NCOA1: variants seen among roughly 807,000 people sequenced by gnomAD.
The protein encoded by NCOA1 is Hin-2 protein.
A neutral mutation model predicts 150.9 loss-of-function variants in NCOA1; 35 were observed. The ratio of observed to expected loss-of-function variants is 0.23; its 90% CI spans 0.18 to 0.31. NCOA1 has a LOEUF of 0.31. Among genes scored for constraint, NCOA1 ranks in the 10% least tolerant of loss-of-function variants. The probability of loss-of-function intolerance (pLI) is 1.00; values close to 1 mark genes in which losing one functional copy is unlikely to be tolerated. For missense variants in NCOA1, 1,491 were observed against 1,749.3 expected (o/e 0.85, Z 2.63); for synonymous variants, 590 against 630.0 (o/e 0.94, Z 0.95).
intron 2 of NCOA1, among the ~76,000 whole-genome samples, chr2:24,574,918 C>T (rs1282900733): frequency 6.6e-6 from 1 of 151,902 alleles, no homozygotes; most frequent in Non-Finnish European, 1.5e-5. Flanking sequence ...CATTTCTTTC[C>T]CCCCAATCAC....
At chr2:24,639,373 A>C (rs62142310) in intron 3 of NCOA1, among the ~76,000 whole-genome samples, 22,643 of 152,018 alleles carry the variant, frequency 0.15, 2,053 homozygotes, top group Non-Finnish European at 0.2. Flanking sequence ...CTATATTTGT[A>C]TGATCTGTGG....
intron 1 of NCOA1, among the ~76,000 whole-genome samples, chr2:24,510,709 G>A (rs1663901040): frequency 9.0e-6 from 1 of 110,864 alleles, no homozygotes; most frequent in South Asian, 2.6e-4. Context: ...CTTAGGGCTT[G>A]ACCTGGACAC....
intron 3 of NCOA1, among the ~76,000 whole-genome samples, chr2:24,586,496 C>G (rs1331632134): frequency 6.6e-6 from 1 of 152,108 alleles, no homozygotes; most frequent in Non-Finnish European, 1.5e-5. Context: ...AAGGGATTCT[C>G]CCAGCTCAGC....
chr2:24,731,533 A>T (rs1663010115), intron 17 of NCOA1, among the ~76,000 whole-genome samples: 1 of 152,214 alleles, frequency 6.6e-6, no homozygotes, highest in South Asian at 2.1e-4. Flanking sequence ...TTCTGTTTAA[A>T]AAAAGGAAGA....
intron 3 of NCOA1, among the ~76,000 whole-genome samples, chr2:24,588,946 C>A (rs1393648211): frequency 2.6e-5 from 4 of 152,144 alleles, no homozygotes; most frequent in Non-Finnish European, 4.4e-5. Flanking sequence ...ACCCTGGTCA[C>A]TGGATGGCCG....
chr2:24,682,256 TAAGGTGCCACAGTC>T lies in NCOA1; in HGVS notation c.355-692_355-679del, dbSNP rs887503251. Among the ~76,000 whole-genome samples, 10 of 152,340 alleles carry T rather than the reference TAAGGTGCCACAGTC, an allele frequency of 6.6e-5. 1 individual carries two copies. The highest frequency in any genetic ancestry group is 2.6e-4 in the Admixed American group (4 of 15,304). Reference sequence around the variant, plus strand: ...AATAAATGAAAAGATTACAAATAAGTAAGGTGCCACAGTCAACCTCTGCATTCTGGCTCTTCCTC... The same window carrying T: ...AATAAATGAAAAGATTACAAATAAGTAACCTCTGCATTCTGGCTCTTCCTC... On this transcript the variant is annotated intron_variant, in intron 7 of 22. Coordinates refer to ENST00000348332, the MANE Select transcript of NCOA1 (RefSeq NM_003743.5).
chr2:24,638,978 C>T (rs1301913633), intron 3 of NCOA1, among the ~76,000 whole-genome samples: 1 of 152,036 alleles, frequency 6.6e-6, no homozygotes, highest in Non-Finnish European at 1.5e-5. Flanking sequence ...TGATAATAGT[C>T]TATTCTTAAA....
At chr2:24,698,762 AATTTT>A (rs1359599296) in intron 11 of NCOA1, among the ~76,000 whole-genome samples, 2 of 152,126 alleles carry the variant, frequency 1.3e-5, no homozygotes, top group African/African-American at 4.8e-5. Flanking sequence ...TGTCATTCTT[AATTTT>A]AACATTTTTC....
chr2:24,574,484 T>A (rs543502564), intron 2 of NCOA1, among the ~76,000 whole-genome samples: 1 of 152,292 alleles, frequency 6.6e-6, no homozygotes, highest in South Asian at 2.1e-4. Flanking sequence ...ACTGCTTTTT[T>A]TTAGTTTCTA....
At chr2:24,573,297 C>G (rs528019844) in intron 2 of NCOA1, among the ~76,000 whole-genome samples, 2 of 152,224 alleles carry the variant, frequency 1.3e-5, no homozygotes, top group Admixed American at 1.3e-4. Flanking sequence ...TTTTCAGATA[C>G]TGTCCCAATA....
chr2:24,715,514 G>A (rs188811903), intron 14 of NCOA1, among the ~76,000 whole-genome samples: 16 of 151,988 alleles, frequency 1.1e-4, no homozygotes, highest in Admixed American at 8.5e-4. Flanking sequence ...AGAAGTGAGA[G>A]GAAAAGCTAC....
intron 3 of NCOA1, among the ~76,000 whole-genome samples, chr2:24,604,403 C>G (rs1668264573): frequency 6.6e-6 from 1 of 152,210 alleles, no homozygotes; most frequent in Non-Finnish European, 1.5e-5. Context: ...TGAATGGCAT[C>G]TTCTTCCAAT....
intron 21 of NCOA1, among the ~76,000 whole-genome samples, chr2:24,760,988 C>CCT (rs1332625823): frequency 6.6e-6 from 1 of 152,224 alleles, no homozygotes; most frequent in East Asian, 1.9e-4. Flanking sequence ...GCTGGGAGTA[C>CCT]AGGGGTGCGC....
chr2:24,603,159 G>A (rs1668205199), intron 3 of NCOA1, among the ~76,000 whole-genome samples: 1 of 148,534 alleles, frequency 6.7e-6, no homozygotes, highest in African/African-American at 2.4e-5. Flanking sequence ...AGTCTATCAA[G>A]TGTGCAATAG....
chr2:24,500,053 G>A (rs1238433559), intron 1 of NCOA1, among the ~76,000 whole-genome samples: 2 of 152,206 alleles, frequency 1.3e-5, no homozygotes, highest in African/African-American at 2.4e-5. Context: ...CTGATAAAGA[G>A]CCTTAACTCT....
intron 3 of NCOA1, among the ~76,000 whole-genome samples, chr2:24,611,061 G>A (rs1409398541): frequency 6.6e-6 from 1 of 152,124 alleles, no homozygotes; most frequent in Non-Finnish European, 1.5e-5. Context: ...CCCAGGTAGT[G>A]AGCATAGTAC....
At chr2:24,524,170 G>A (rs1664556890) in intron 1 of NCOA1, among the ~76,000 whole-genome samples, 2 of 152,178 alleles carry the variant, frequency 1.3e-5, no homozygotes, top group East Asian at 3.9e-4. Context: ...AATTTGAGTA[G>A]GCAAATACAT....
chr2:24,571,452 A>G (rs904267919), intron 2 of NCOA1, among the ~76,000 whole-genome samples: 4 of 152,096 alleles, frequency 2.6e-5, no homozygotes, highest in African/African-American at 9.7e-5. Context: ...TCAGCACTTT[A>G]TACATATTTA....
chr2:24,707,114 C>CAATAA lies in NCOA1; in HGVS notation c.1645_1649dup (p.Asn550LysfsTer17). On this transcript the variant is annotated frameshift_variant, in exon 13 of 23. Transcript: ENST00000348332. LOFTEE classifies it high-confidence loss of function. ...CTTTACAGGGTATGAATGAAGGACC[C>CAATAA]AATAACTCCGTTGGCTTCTCTGCCA... 6.2e-7 allele frequency: 1 copy of CAATAA among 1,614,188 alleles called. No individual in the cohort carries two copies. Among genetic ancestry groups the CAATAA allele is most frequent in the East Asian group, 2.2e-5 (1 of 44,884 alleles).
Sources: gnomAD v4.1 joint callset for allele counts (sites outside exome capture counted in the v4.1 genomes callset) on GRCh38, gnomAD v4.1.1 for gene constraint, MANE v1.5 for transcripts, NCBI Gene and HGNC (gene_info 2026-07-23, HGNC 2026-07-21) for gene names.